The following EML2 variants were observed in gnomAD, a reference collection of about 807,000 sequenced individuals.
EML2 encodes echinoderm microtubule-associated protein-like 2.
EML2 carries 59 observed loss-of-function variants against 84.7 expected under a neutral mutation model. The ratio of observed to expected loss-of-function variants is 0.70; its 90% CI spans 0.56 to 0.86. EML2 has a LOEUF of 0.86. EML2 is among the 40% of genes least tolerant of loss of function. The pLI is 0.00. For synonymous variants in EML2, 352 were observed against 348.9 expected (o/e 1.01, Z -0.10); for missense variants, 818 against 855.6 (o/e 0.96, Z 0.55).
intron 11 of EML2, 180 bp downstream of exon 11, chr19:45,621,027 C>T: frequency 1.0e-6 from 1 of 963,162 alleles, no homozygotes; most frequent in Non-Finnish European, 1.6e-6. Context: ...CTCTGCTGTG[C>T]TTGGAGTTAA....
At chr19:45,643,807 C>T (rs1237607713), upstream of EML2, 1 of 1,445,450 alleles carries the variant, frequency 6.9e-7, no homozygotes, top group African/African-American at 1.4e-5. Context: ...CACTCAGCGC[C>T]TCCCAGGTCC....
chr19:45,637,662 CTTTTCTTTT>C (rs1973907518), intron 3 of EML2, among the ~76,000 whole-genome samples: 4 of 45,800 alleles, frequency 8.7e-5, no homozygotes, highest in African/African-American at 2.6e-4. Context: ...TTTTCTTTTT[CTTTTCTTTT>C]TTTTTTTTTT....
At chr19:45,615,000 A>T in intron 16 of EML2, 1 of 301,132 alleles carries the variant, frequency 3.3e-6, no homozygotes, top group Non-Finnish European at 6.5e-6. Flanking sequence ...CAGGAGTTCG[A>T]GACCAGCCTG....
At chr19:45,616,065 G>C in intron 15 of EML2, 176 bp from the exon 16 acceptor site, 1 of 620,342 alleles carries the variant, frequency 1.6e-6, no homozygotes, top group Non-Finnish European at 2.9e-6. Context: ...AATACTGTGG[G>C]CGGGGCCAGA....
intron 18 of EML2, among the ~76,000 whole-genome samples, chr19:45,610,089 T>C (rs1269276690): frequency 6.6e-6 from 1 of 152,194 alleles, no homozygotes; most frequent in Non-Finnish European, 1.5e-5. Flanking sequence ...CCAGGGCTAA[T>C]AAGCCCTTTG....
intron 16 of EML2, 51 bp downstream of exon 16, chr19:45,615,751 G>A (rs371156936): frequency 6.8e-7 from 1 of 1,480,344 alleles, no homozygotes; most frequent in Non-Finnish European, 9.4e-7. Flanking sequence ...ACTCAGGGAA[G>A]TCTGCAAATG....
upstream of EML2, chr19:45,641,689 C>T (rs1056934979): frequency 2.6e-6 from 4 of 1,536,028 alleles, no homozygotes; most frequent in Non-Finnish European, 3.5e-6. Context: ...GGTCCGGCTG[C>T]GGGGGTCCTC....
chr19:45,612,287 A>T (rs1970575379), intron 18 of EML2, among the ~76,000 whole-genome samples: 1 of 150,888 alleles, frequency 6.6e-6, no homozygotes, highest in Non-Finnish European at 1.5e-5. Flanking sequence ...CTGGTCTCAA[A>T]CTCCTGACCT....
rs373091267 is a variant in EML2, at chr19:45,617,735, G to C, written c.1255-38C>G. The C allele has an allele frequency of 4.4e-6, 7 of 1,593,088 alleles. No individual in the cohort carries two copies. In the African/African-American group the frequency reaches 9.4e-5, roughly 21 times the overall value. On this transcript the variant is annotated intron_variant, in intron 12 of 18. Coordinates refer to ENST00000245925, the MANE Select transcript of EML2 (RefSeq NM_012155.4). ...AGAGAAGAGGCAGGGCTCAGAGCTG[G>C]GGTCCCATGTCCATCTGGACATTCT...
chr19:45,620,908 G>T (rs1334300402), intron 11 of EML2: 3 of 484,346 alleles, frequency 6.2e-6, no homozygotes, highest in South Asian at 5.0e-5. Context: ...GTGTGGCCAG[G>T]GTGTCTGCAG....
In EML2 at chr19:45,624,610, G is replaced by T. The variant is rs117025299; in HGVS notation, c.841+109C>A. ...AACCTTGACGAGGGTGTTGGAATCGGACATCCATTTACACTCATTTCACAC... is the reference window on the plus strand; with the variant it reads ...AACCTTGACGAGGGTGTTGGAATCGTACATCCATTTACACTCATTTCACAC... On this transcript the variant is annotated intron_variant, in intron 9 of 18. Transcript: ENST00000245925. 2,534 of 758,980 alleles carry T rather than the reference G, an allele frequency of 3.3e-3. 23 individuals are homozygous for T. Among genetic ancestry groups the T allele is most frequent in the Non-Finnish European group, 2.3e-3 (1,040 of 455,974 alleles). 47.0% of individuals were successfully genotyped at this position (758,980 alleles called of 1,614,324 possible).
rs1426539280 is a variant in EML2, at chr19:45,629,960, C to T, written c.597G>A (p.Val199=). The change falls in exon 7 of 19, where the codon GTG becomes GTA. Residue 199 remains valine, a synonymous_variant. Coordinates refer to ENST00000245925, the MANE Select transcript of EML2 (RefSeq NM_012155.4). ...AGAAAAGTCACCTCACCTTGACATC[C>T]ACCACCTTGGTCTCCTTGGCCCAGT... The part of the protein sequence containing the change: ...VWDWAKETKV[V]DVKCSNEAVL... 1.9e-6 allele frequency: 3 copies of T among 1,613,362 alleles called. No homozygotes were observed. Among genetic ancestry groups the T allele is most frequent in the Non-Finnish European group, 8.5e-7 (1 of 1,179,490 alleles).
At chr19:45,643,606 G>A (rs916416436), upstream of EML2, 3 of 1,536,020 alleles carry the variant, frequency 2.0e-6, no homozygotes, top group African/African-American at 2.7e-5. Flanking sequence ...CACAACCAAG[G>A]AAGCCCTGGT....
chr19:45,610,775 G>C (rs1970409847), intron 18 of EML2, among the ~76,000 whole-genome samples: 2 of 152,100 alleles, frequency 1.3e-5, no homozygotes, highest in Admixed American at 6.5e-5. Context: ...AGGCAGCGGA[G>C]GTTGCAGTGA....
chr19:45,641,049 C>G (rs1974429032), upstream of EML2: 2 of 153,606 alleles, frequency 1.3e-5, no homozygotes, highest in Admixed American at 6.5e-5. Flanking sequence ...ACCTTCGAGG[C>G]CTCCAAGTTG....
intron 2 of EML2, 104 bp from the exon 3 acceptor site, chr19:45,638,738 AG>A (rs1974077544): frequency 6.3e-7 from 1 of 1,585,650 alleles, no homozygotes; most frequent in African/African-American, 1.4e-5. Flanking sequence ...AGGGAAACTG[AG>A]GCCAGAGAGG....
intron 9 of EML2, chr19:45,623,366 T>C (rs1182830887): frequency 2.6e-5 from 4 of 151,080 alleles, no homozygotes; most frequent in Non-Finnish European, 5.9e-5. Context: ...AGACCTCATC[T>C]CTACAACAAA....
At chr19:45,620,947 C>A (rs1343207520) in intron 11 of EML2, 1 of 588,670 alleles carries the variant, frequency 1.7e-6, no homozygotes, top group Admixed American at 2.2e-5. Context: ...GGACACTCAC[C>A]AACCTGAAGG....
Position 45,633,053 on chromosome 19 carries a change from C to G in EML2, c.399+17G>C, listed in dbSNP as rs201160865. 3.1e-6 allele frequency: 5 copies of G among 1,589,460 alleles called. No individual in the cohort carries two copies. The Admixed American group carries it at 7.4e-5, about 23-fold the overall frequency. ...TGCGTCCTGCACTCTTTTCTGCTTT[C>G]CCCTCCCTTCCATTACCTTCCCTTC... On this transcript the variant is annotated intron_variant, in intron 5 of 18. Transcript: ENST00000245925.
Sources: allele counts gnomAD v4.1 joint callset (sites outside exome capture counted in the v4.1 genomes callset), GRCh38; gene constraint gnomAD v4.1.1; transcripts MANE v1.5; gene names NCBI Gene and HGNC (gene_info 2026-07-23, HGNC 2026-07-21).